NCOA1: variants seen among roughly 807,000 people sequenced by gnomAD.
NCOA1 encodes the protein nuclear receptor coactivator 1.
In NCOA1, 35 loss-of-function variants were observed where a neutral mutation model predicts 150.9. That is an observed-to-expected ratio of 0.23 (90% CI 0.18 to 0.31). The LOEUF (loss-of-function observed/expected upper bound fraction) is 0.31, where lower values mean the gene tolerates loss of function less well. Among genes scored for constraint, NCOA1 ranks in the 10% least tolerant of loss-of-function variants. The pLI is 1.00. For synonymous variants in NCOA1, 590 were observed against 630.0 expected, an observed-to-expected ratio of 0.94 and a Z score of 0.95; for missense variants, 1,491 against 1,749.3, an observed-to-expected ratio of 0.85 and a Z score of 2.63.
At chr2:24,699,725 C>G (rs1572609957) in intron 11 of NCOA1, among the ~76,000 whole-genome samples, 1 of 152,168 alleles carries the variant, frequency 6.6e-6, no homozygotes, top group Non-Finnish European at 1.5e-5. Flanking sequence ...TCAGCAGTAT[C>G]TAGCCAGATA....
In NCOA1 at chr2:24,658,649, C is replaced by A. The variant is rs766442058; in HGVS notation, c.-17-12C>A. 1.9e-6 allele frequency: 3 copies of A among 1,596,012 alleles called. No individual in the cohort carries two copies. Among genetic ancestry groups the A allele is most frequent in the East Asian group, 2.2e-5 (1 of 44,770 alleles). On this transcript the variant is annotated splice_polypyrimidine_tract_variant and intron_variant, in intron 4 of 22. Coordinates refer to ENST00000348332, the MANE Select transcript of NCOA1 (RefSeq NM_003743.5). Reference sequence around the variant, plus strand: ...TAAGGGTAGATTTCTTACTGTTGTCCTTCCTGTTTAGGTGTGAAGTTTTTC... The same window carrying A: ...TAAGGGTAGATTTCTTACTGTTGTCATTCCTGTTTAGGTGTGAAGTTTTTC...
intron 3 of NCOA1, among the ~76,000 whole-genome samples, chr2:24,637,681 T>G (rs1558862174): frequency 6.6e-6 from 1 of 151,622 alleles, no homozygotes; most frequent in Non-Finnish European, 1.5e-5. Flanking sequence ...TATTGGGGGT[T>G]TTTTGTTTTG....
At chr2:24,536,325 A>G (rs945514982) in intron 1 of NCOA1, among the ~76,000 whole-genome samples, 1 of 152,048 alleles carries the variant, frequency 6.6e-6, no homozygotes, top group East Asian at 1.9e-4. Flanking sequence ...TCTTCTCTAC[A>G]CTGTTTATTC....
chr2:24,539,134 C>G, intron 1 of NCOA1, among the ~76,000 whole-genome samples: 1 of 132,944 alleles, frequency 7.5e-6, no homozygotes, highest in African/African-American at 2.7e-5. Flanking sequence ...TGAGTTTTTT[C>G]CCCCCCATTT....
chr2:24,624,943 C>G (rs1044543778), intron 3 of NCOA1, among the ~76,000 whole-genome samples: 2 of 152,110 alleles, frequency 1.3e-5, no homozygotes. Flanking sequence ...GCCAACCATA[C>G]GGGAGCTACT....
intron 1 of NCOA1, among the ~76,000 whole-genome samples, chr2:24,500,611 C>T (rs1216258501): frequency 6.6e-6 from 1 of 152,108 alleles, no homozygotes; most frequent in East Asian, 1.9e-4. Context: ...CTTTTTAATA[C>T]CATTTCATAG....
chr2:24,530,436 G>A (rs1664834578), intron 1 of NCOA1, among the ~76,000 whole-genome samples: 1 of 152,134 alleles, frequency 6.6e-6, no homozygotes. Flanking sequence ...GCAGTAATAT[G>A]GTTCTGGGTC....
chr2:24,606,973 C>T (rs1668396950), intron 3 of NCOA1, among the ~76,000 whole-genome samples: 2 of 152,220 alleles, frequency 1.3e-5, no homozygotes, highest in Non-Finnish European at 2.9e-5. Context: ...TTGCCACCCT[C>T]ACTTCTTGTT....
intron 12 of NCOA1, among the ~76,000 whole-genome samples, chr2:24,706,027 A>G (rs943987118): frequency 2.6e-5 from 4 of 152,146 alleles, no homozygotes; most frequent in South Asian, 4.1e-4. Context: ...TTCTCTTTCA[A>G]AACATCTGCT....
intron 1 of NCOA1, among the ~76,000 whole-genome samples, chr2:24,493,340 T>G (rs1451139437): frequency 6.6e-6 from 1 of 152,142 alleles, no homozygotes; most frequent in Non-Finnish European, 1.5e-5. Flanking sequence ...AGGGTCTGAG[T>G]TGGGAATATA....
chr2:24,615,340 C>T (rs1668828747), intron 3 of NCOA1, among the ~76,000 whole-genome samples: 1 of 152,168 alleles, frequency 6.6e-6, no homozygotes, highest in Admixed American at 6.5e-5. Flanking sequence ...TAAATTATCA[C>T]AGACCTCTTA....
intron 17 of NCOA1, among the ~76,000 whole-genome samples, chr2:24,737,508 A>G (rs533794153): frequency 7.2e-5 from 11 of 152,340 alleles, no homozygotes; most frequent in Non-Finnish European, 1.2e-4. Context: ...CAATTCAAAG[A>G]ATATATAAAG....
At chr2:24,641,018 A>G (rs913808526) in intron 3 of NCOA1, among the ~76,000 whole-genome samples, 7 of 152,026 alleles carry the variant, frequency 4.6e-5, no homozygotes, top group African/African-American at 1.7e-4. Flanking sequence ...GGGTTAACCA[A>G]ACATTTTTTA....
At chr2:24,502,605 G>A (rs937294528) in intron 1 of NCOA1, among the ~76,000 whole-genome samples, 6 of 152,088 alleles carry the variant, frequency 3.9e-5, no homozygotes, top group Non-Finnish European at 8.8e-5. Context: ...CCTTTCCAGT[G>A]TTTGGCCCCA....
At chr2:24,618,413 A>T (rs1394743181) in intron 3 of NCOA1, among the ~76,000 whole-genome samples, 1 of 152,210 alleles carries the variant, frequency 6.6e-6, no homozygotes, top group Non-Finnish European at 1.5e-5. Context: ...CTCAAAAACC[A>T]TCAAGAACAG....
At chr2:24,617,582 C>A (rs908854292) in intron 3 of NCOA1, among the ~76,000 whole-genome samples, 10 of 152,228 alleles carry the variant, frequency 6.6e-5, no homozygotes, top group Admixed American at 2.0e-4. Flanking sequence ...CTGAACATAT[C>A]TTCTTGGGTG....
At chr2:24,652,031 T>C (rs1019594211) in intron 4 of NCOA1, among the ~76,000 whole-genome samples, 2 of 152,094 alleles carry the variant, frequency 1.3e-5, no homozygotes, top group Non-Finnish European at 2.9e-5. Flanking sequence ...CACTCCTAGT[T>C]AAATACTCAA....
At chr2:24,751,582 C>CA (rs1553317341) in intron 19 of NCOA1, among the ~76,000 whole-genome samples, 20 of 143,958 alleles carry the variant, frequency 1.4e-4, no homozygotes, top group African/African-American at 3.1e-4. Flanking sequence ...GACTCCATCT[C>CA]GGGGGAAAAA....
intron 14 of NCOA1, among the ~76,000 whole-genome samples, chr2:24,713,808 C>T (rs1417569369): frequency 1.3e-5 from 2 of 152,016 alleles, no homozygotes; most frequent in Non-Finnish European, 1.5e-5. Flanking sequence ...TACTAAACTC[C>T]GAAAATAGTG....
Sources: gnomAD v4.1 joint callset for allele counts (sites outside exome capture counted in the v4.1 genomes callset) on GRCh38, gnomAD v4.1.1 for gene constraint, MANE v1.5 for transcripts, NCBI Gene and HGNC (gene_info 2026-07-23, HGNC 2026-07-21) for gene names.